Variants in FAF1 observed in about 807,000 individuals in gnomAD.
FAF1 encodes the protein Fas associated factor 1, also known as FAS-associated factor 1.
Under a neutral mutation model 92.5 loss-of-function variants are expected in FAF1, and 25 were observed. The observed-to-expected ratio is 0.27, with a 90% CI of 0.20 to 0.38. FAF1 has a LOEUF of 0.38. Among genes scored for constraint, FAF1 ranks in the 10% least tolerant of loss-of-function variants. The probability of loss-of-function intolerance (pLI) is 1.00; values close to 1 mark genes in which losing one functional copy is unlikely to be tolerated. For missense variants in FAF1, 636 were observed against 793.3 expected (o/e 0.80, Z 2.38); for synonymous variants, 234 against 273.2 (o/e 0.86, Z 1.42).
chr1:50,535,294 A>G, intron 15 of FAF1, 75 bp downstream of exon 15: 2 of 946,480 alleles, frequency 2.1e-6, no homozygotes, highest in Non-Finnish European at 3.4e-6. Flanking sequence ...TATCATAGGC[A>G]TGTATCATCA....
chr1:50,740,521 G>T (rs975252794), intron 5 of FAF1, among the ~76,000 whole-genome samples: 3 of 152,200 alleles, frequency 2.0e-5, no homozygotes, highest in African/African-American at 4.8e-5. Context: ...TAAATGAAAA[G>T]AAATACATAA....
At chr1:50,653,602 A>C (rs1654965412) in intron 8 of FAF1, among the ~76,000 whole-genome samples, 1 of 152,088 alleles carries the variant, frequency 6.6e-6, no homozygotes. Context: ...ACGGTGGCTC[A>C]TGCCTGTAAT....
chr1:50,775,631 T>C (rs1202247848), intron 4 of FAF1, among the ~76,000 whole-genome samples: 1 of 151,976 alleles, frequency 6.6e-6, no homozygotes, highest in Non-Finnish European at 1.5e-5. Context: ...ATGCGTGTTT[T>C]AGAAAAATCA....
chr1:50,648,764 T>G (rs1019271108), intron 8 of FAF1, among the ~76,000 whole-genome samples: 1 of 152,036 alleles, frequency 6.6e-6, no homozygotes, highest in Non-Finnish European at 1.5e-5. Context: ...CCAGCTCTAC[T>G]AAAAATATAA....
At chr1:50,555,042 C>T (rs1649501159) in intron 13 of FAF1, among the ~76,000 whole-genome samples, 1 of 151,828 alleles carries the variant, frequency 6.6e-6, no homozygotes, top group African/African-American at 2.4e-5. Context: ...ATGGTGAAAC[C>T]CCTGTCTCTA....
intron 2 of FAF1, among the ~76,000 whole-genome samples, chr1:50,810,636 A>G (rs1643897415): frequency 6.6e-6 from 1 of 152,258 alleles, no homozygotes. Context: ...GAGGAAGTCA[A>G]ACTATCTCTG....
At position 50,475,594 on chromosome 1, in the gene FAF1, G is replaced by A. The variant is rs981541397; in HGVS notation, c.1739C>T (p.Thr580Ile). The change falls in exon 18 of 19, where the codon ACC becomes ATC. Residue 580 changes from threonine to isoleucine, a missense_variant. Physicochemically the swap from Thr to Ile is moderately conservative, Grantham distance 89. Coordinates refer to ENST00000396153, the MANE Select transcript of FAF1 (RefSeq NM_007051.3). Reference protein sequence around the residue: ...AEPVSKLRIRTPSGEFLERRF... With the variant: ...AEPVSKLRIRIPSGEFLERRF... ...CCGCTCCAAGAACTCGCCACTGGGG[G>A]TCCGGATCCGCAGTTTGCTCACAGG... 1 of 1,614,038 alleles carries A rather than the reference G, an allele frequency of 6.2e-7. No homozygotes were observed. Among genetic ancestry groups the A allele is most frequent in the South Asian group, 1.1e-5 (1 of 91,092 alleles).
chr1:50,454,527 G>T (rs1646329662), intron 18 of FAF1, among the ~76,000 whole-genome samples: 1 of 152,166 alleles, frequency 6.6e-6, no homozygotes, highest in Admixed American at 6.5e-5. Context: ...GTTCATTGTG[G>T]TCTCTCCCTC....
intron 7 of FAF1, among the ~76,000 whole-genome samples, chr1:50,662,755 C>T (rs1337509011): frequency 8.0e-6 from 1 of 125,452 alleles, no homozygotes; most frequent in Non-Finnish European, 1.6e-5. Flanking sequence ...TGGAGTGCAG[C>T]GGCGGGATCT....
chr1:50,916,425 C>T (rs181747431), intron 1 of FAF1, among the ~76,000 whole-genome samples: 1 of 152,312 alleles, frequency 6.6e-6, no homozygotes, highest in East Asian at 1.9e-4. Context: ...CTTATCTTCA[C>T]ATACAAACAC....
At chr1:50,928,901 C>T (rs528940924) in intron 1 of FAF1, among the ~76,000 whole-genome samples, 222 of 150,854 alleles carry the variant, frequency 1.5e-3, no homozygotes, top group African/African-American at 5.2e-3. Context: ...CTGGCCAACA[C>T]GGTGAAACCC....
Position 50,596,107 on chromosome 1 carries a change from G to C in FAF1, c.840+14C>G. The C allele has an allele frequency of 6.3e-7, 1 of 1,598,290 alleles. No homozygotes were observed. The highest frequency in any genetic ancestry group is 2.2e-5 in the East Asian group (1 of 44,738). On this transcript the variant is annotated intron_variant, in intron 9 of 18. Coordinates refer to ENST00000396153, the MANE Select transcript of FAF1 (RefSeq NM_007051.3). ...GGGCCTTCTGTTCAAAGAAAAGCTG[G>C]CAAACAGGCTTACTTCTTCCGACTG...
rs1647097661 is a variant in FAF1, at chr1:50,509,011, T to A, written c.1495-17210A>T. ...GAGCCACTGTGCCTGGCCCAAATTG[T>A]ATACTTTAAAATGGCTAATTTTCTG... On this transcript the variant is annotated intron_variant, in intron 15 of 18. Transcript: ENST00000396153. Among the ~76,000 whole-genome samples, 4 of 152,190 alleles carry A rather than the reference T, an allele frequency of 2.6e-5. No homozygotes were observed. In the South Asian group the frequency reaches 8.3e-4, roughly 32 times the overall value.
intron 15 of FAF1, among the ~76,000 whole-genome samples, chr1:50,496,889 C>CA (rs35287623): frequency 0.036 from 4,865 of 134,238 alleles, 254 homozygotes; most frequent in African/African-American, 0.12. Flanking sequence ...AACTCCATCT[C>CA]AAAAAAAAAA....
chr1:50,799,915 T>C (rs536685401), intron 3 of FAF1, among the ~76,000 whole-genome samples: 32 of 152,320 alleles, frequency 2.1e-4, no homozygotes, highest in African/African-American at 6.7e-4. Flanking sequence ...TCAGTAGACA[T>C]ACAAGAGGAA....
chr1:50,624,051 T>C (rs1470251787), intron 8 of FAF1, among the ~76,000 whole-genome samples: 1 of 151,956 alleles, frequency 6.6e-6, no homozygotes, highest in Admixed American at 6.6e-5. Context: ...GAACCACAAA[T>C]ACAAATGGCA....
chr1:50,768,962 T>G (rs1660678625), intron 4 of FAF1, among the ~76,000 whole-genome samples: 1 of 150,512 alleles, frequency 6.6e-6, no homozygotes, highest in African/African-American at 2.4e-5. Context: ...TGAAGGAAAC[T>G]GAGACATAAA....
chr1:50,669,571 G>A (rs1478813639), intron 7 of FAF1, among the ~76,000 whole-genome samples: 3 of 151,086 alleles, frequency 2.0e-5, no homozygotes, highest in African/African-American at 7.3e-5. Context: ...AAAAAAATTG[G>A]GGGAAAATAA....
intron 4 of FAF1, among the ~76,000 whole-genome samples, chr1:50,758,569 T>C (rs1017536343): frequency 6.6e-6 from 1 of 152,220 alleles, no homozygotes; most frequent in African/African-American, 2.4e-5. Flanking sequence ...AAAAGGTTTT[T>C]AAAAAATGTG....
Sources: allele counts gnomAD v4.1 joint callset (sites outside exome capture counted in the v4.1 genomes callset), GRCh38; gene constraint gnomAD v4.1.1; transcripts MANE v1.5; gene names NCBI Gene and HGNC (gene_info 2026-07-23, HGNC 2026-07-21).